The following ENTPD5 variants were observed in gnomAD, a reference collection of about 807,000 sequenced individuals.
The protein encoded by ENTPD5 is ectonucleoside triphosphate diphosphohydrolase 5 (inactive).
Under a neutral mutation model 60.2 loss-of-function variants are expected in ENTPD5, and 49 were observed. The observed-to-expected ratio is 0.81, with a 90% CI of 0.65 to 1.03. ENTPD5 has a LOEUF of 1.03. ENTPD5 is among the 50% of genes least tolerant of loss of function. The pLI, the probability that ENTPD5 is intolerant of heterozygous loss-of-function variation, is 0.00. For synonymous variants in ENTPD5, 187 were observed against 185.4 expected, an observed-to-expected ratio of 1.01 and a Z score of -0.07; for missense variants, 480 against 507.6, an observed-to-expected ratio of 0.95 and a Z score of 0.52.
At chr14:73,974,209 T>C (rs1185017477) in intron 11 of ENTPD5, among the ~76,000 whole-genome samples, 1 of 152,180 alleles carries the variant, frequency 6.6e-6, no homozygotes, top group Non-Finnish European at 1.5e-5. Context: ...TTCATGCATA[T>C]GTGCTTTTGT....
At position 73,964,072 on chromosome 14, in the gene ENTPD5, A is replaced by G. The variant is rs2056874300; in HGVS notation, c.*2856T>C. 1.3e-5 allele frequency: 2 copies of G among 152,228 alleles called. No homozygotes were observed. The highest frequency in any genetic ancestry group is 4.1e-4 in the South Asian group (2 of 4,830). The allele number at this position is 152,228 out of a possible 1,614,324, so 9.4% of individuals were successfully genotyped here. ...GACTCCTGGCGGAGACTGCAGGGAC[A>G]AGGTCATCTTTCACAAAAAATGGAA... On this transcript the variant is annotated 3_prime_UTR_variant, in exon 16 of 16. Coordinates refer to ENST00000334696, the MANE Select transcript of ENTPD5 (RefSeq NM_001249.5).
chr14:74,013,983 AG>A (rs1359103419), intron 2 of ENTPD5, among the ~76,000 whole-genome samples: 6 of 152,138 alleles, frequency 3.9e-5, no homozygotes, highest in African/African-American at 1.4e-4. Context: ...CCTAGGCTCA[AG>A]CAATCCTCCT....
At chr14:73,958,461 G>A, downstream of ENTPD5, 1 of 1,459,392 alleles carries the variant, frequency 6.9e-7, no homozygotes, top group Non-Finnish European at 9.1e-7. Flanking sequence ...TGTACAGGGA[G>A]CAATCTCATG....
Position 74,015,818 on chromosome 14 carries a change from T to C in ENTPD5, c.-131+6A>G, listed in dbSNP as rs2059000204. 6.6e-6 allele frequency: 1 copy of C among 152,182 alleles called. No individual in the cohort carries two copies. The highest frequency in any genetic ancestry group is 2.4e-5 in the African/African-American group (1 of 41,446). 9.4% of individuals were successfully genotyped at this position (152,182 alleles called of 1,614,324 possible). ...ATTTATAAATTTAAGCTAGTGGAGA[T>C]ATTACCTTACATCTGGATACAAGTC... is the stretch of plus-strand genomic sequence containing the variant. On this transcript the variant is annotated splice_donor_region_variant and intron_variant, in intron 2 of 15. Transcript: ENST00000334696.
chr14:74,002,576 A>G (rs2058545886), intron 3 of ENTPD5, among the ~76,000 whole-genome samples: 1 of 152,254 alleles, frequency 6.6e-6, no homozygotes, highest in African/African-American at 2.4e-5. Context: ...TAATCAAGAG[A>G]TTTTGAAGAT....
At position 73,973,975 on chromosome 14, in the gene ENTPD5, G is replaced by A; in HGVS notation, c.788C>T (p.Thr263Ile). 1 of 1,613,888 alleles carries A rather than the reference G, an allele frequency of 6.2e-7. No homozygotes were observed. The highest frequency in any genetic ancestry group is 8.5e-7 in the Non-Finnish European group (1 of 1,179,804). The change falls in exon 12 of 16, where the codon ACT becomes ATT. Residue 263 changes from threonine to isoleucine, a missense_variant. By Grantham distance (89) the Thr-to-Ile change is moderately conservative (BLOSUM62 -1). Transcript: ENST00000334696. The stretch of plus-strand genomic sequence containing the variant: ...GGCACTCCGGAAAGTGTGCCCATCA[G>A]TCCCTGAAAGAATCCAGGGCACAAG... Reference protein sequence around the residue: ...ATLGALETEGTDGHTFRSACL... With the variant: ...ATLGALETEGIDGHTFRSACL...
intron 6 of ENTPD5, among the ~76,000 whole-genome samples, chr14:73,979,265 C>T (rs1026365621): frequency 1.3e-5 from 2 of 151,888 alleles, no homozygotes; most frequent in African/African-American, 2.4e-5. Flanking sequence ...TCAACAGATT[C>T]CCTACCTGCC....
downstream of ENTPD5, chr14:73,955,625 A>T: frequency 2.2e-6 from 3 of 1,345,620 alleles, no homozygotes; most frequent in Non-Finnish European, 3.2e-6. Context: ...GTTCACATTC[A>T]GTCCGAGGAA....
intron 12 of ENTPD5, 142 bp from the exon 13 acceptor site, chr14:73,973,166 GC>G (rs918607118): frequency 2.0e-6 from 2 of 991,384 alleles, no homozygotes; most frequent in Non-Finnish European, 3.0e-6. Context: ...GGGACAAGAG[GC>G]GTCAAAACAA....
chr14:73,984,121 G>A (rs369331759), intron 5 of ENTPD5, among the ~76,000 whole-genome samples: 3 of 151,852 alleles, frequency 2.0e-5, no homozygotes, highest in African/African-American at 4.8e-5. Context: ...TCTGCCTCCC[G>A]GGTTCAAGCG....
At chr14:73,996,072 A>G in intron 3 of ENTPD5, 1 of 896,690 alleles carries the variant, frequency 1.1e-6, no homozygotes, top group Non-Finnish European at 1.3e-6. Context: ...GAGAGACCAC[A>G]ATCCCAGAGG....
At chr14:74,010,458 G>A (rs1203879391) in intron 3 of ENTPD5, among the ~76,000 whole-genome samples, 1 of 152,036 alleles carries the variant, frequency 6.6e-6, no homozygotes, top group Non-Finnish European at 1.5e-5. Context: ...GGAGGCTGAG[G>A]CAGGAGAATC....
chr14:74,015,203 A>G (rs958284352), intron 2 of ENTPD5, among the ~76,000 whole-genome samples: 4 of 150,994 alleles, frequency 2.6e-5, no homozygotes, highest in Admixed American at 6.6e-5. Flanking sequence ...TGATCCACCT[A>G]TAAAGTACCA....
At chr14:73,983,185 T>C (rs371826135) in intron 5 of ENTPD5, 24 bp from the exon 6 acceptor site, 2 of 1,595,676 alleles carry the variant, frequency 1.3e-6, no homozygotes, top group Non-Finnish European at 8.6e-7. Flanking sequence ...AACCCGTTCA[T>C]CTGATGAACG....
intron 2 of ENTPD5, among the ~76,000 whole-genome samples, chr14:74,014,521 A>T (rs995374422): frequency 1.3e-5 from 2 of 152,222 alleles, no homozygotes; most frequent in Admixed American, 1.3e-4. Flanking sequence ...ACTGCACTCC[A>T]GCCTGGGTGA....
chr14:74,014,532 C>T (rs1449776522), intron 2 of ENTPD5, among the ~76,000 whole-genome samples: 1 of 152,146 alleles, frequency 6.6e-6, no homozygotes, highest in Admixed American at 6.5e-5. Flanking sequence ...GCCTGGGTGA[C>T]ATAGTGAGAC....
intron 10 of ENTPD5, among the ~76,000 whole-genome samples, chr14:73,975,217 A>G (rs1030277941): frequency 6.6e-6 from 1 of 152,220 alleles, no homozygotes. Flanking sequence ...AGAGACAGTG[A>G]CAATTCCTAG....
At chr14:73,958,855 G>A, downstream of ENTPD5, 20 of 1,548,798 alleles carry the variant, frequency 1.3e-5, no homozygotes, top group Non-Finnish European at 1.7e-5. Context: ...AGGCCTGATG[G>A]AATTATCCTG....
downstream of ENTPD5, chr14:73,958,914 T>A: frequency 1.9e-6 from 3 of 1,606,706 alleles, no homozygotes; most frequent in Non-Finnish European, 2.5e-6. Flanking sequence ...AGAGAAAAAC[T>A]TCTGAAGCAG....
Sources: gnomAD v4.1 joint callset for allele counts (sites outside exome capture counted in the v4.1 genomes callset) on GRCh38, gnomAD v4.1.1 for gene constraint, MANE v1.5 for transcripts, NCBI Gene and HGNC (gene_info 2026-07-23, HGNC 2026-07-21) for gene names.